The following GRIK4 variants were observed in gnomAD, a reference collection of about 807,000 sequenced individuals.
GRIK4 encodes the protein glutamate ionotropic receptor kainate type subunit 4.
In GRIK4, 40 loss-of-function variants were observed where a neutral mutation model predicts 104.9. That is an observed-to-expected ratio of 0.38 (90% CI 0.30 to 0.50). The LOEUF is 0.50. Among genes scored for constraint, GRIK4 ranks in the 20% least tolerant of loss-of-function variants. The pLI, the probability that GRIK4 is intolerant of heterozygous loss-of-function variation, is 0.93. For synonymous variants in GRIK4, 485 were observed against 524.9 expected (o/e 0.92, Z 1.04); for missense variants, 1,047 against 1,308.1 (o/e 0.80, Z 3.08).
intron 3 of GRIK4, among the ~76,000 whole-genome samples, chr11:120,671,051 C>T (rs1022053312): frequency 3.9e-5 from 6 of 152,194 alleles, no homozygotes; most frequent in African/African-American, 1.2e-4. Context: ...TTTATGGCTA[C>T]ATAGTATTCC....
At chr11:120,784,170 A>G (rs532570317) in intron 3 of GRIK4, among the ~76,000 whole-genome samples, 40 of 152,348 alleles carry the variant, frequency 2.6e-4, no homozygotes, top group Non-Finnish European at 4.0e-4. Context: ...TGAAGGAATG[A>G]TCACAGGAAT....
intron 2 of GRIK4, among the ~76,000 whole-genome samples, chr11:120,658,693 A>G (rs1046745162): frequency 1.2e-4 from 8 of 66,124 alleles, no homozygotes; most frequent in African/African-American, 3.4e-4. Flanking sequence ...CCATTTTCCT[A>G]TTGGATTGTC....
At chr11:120,752,447 CCTGT>C (rs1196522959) in intron 3 of GRIK4, among the ~76,000 whole-genome samples, 1 of 152,144 alleles carries the variant, frequency 6.6e-6, no homozygotes, top group Non-Finnish European at 1.5e-5. Flanking sequence ...TGGGCAGGCC[CCTGT>C]CTAAGAGCTG....
At chr11:120,963,992 T>TTATTTAG (rs1944339719) in intron 18 of GRIK4, among the ~76,000 whole-genome samples, 1 of 8,994 alleles carries the variant, frequency 1.1e-4, no homozygotes, top group Admixed American at 1.3e-3. Flanking sequence ...TATTTATTTA[T>TTATTTAG]TTATTTTTAT....
intron 1 of GRIK4, among the ~76,000 whole-genome samples, chr11:120,591,275 T>C (rs2135112914): frequency 6.6e-6 from 1 of 151,782 alleles, no homozygotes; most frequent in East Asian, 2.0e-4. Context: ...CAGGGAGGCA[T>C]CACTAGGACT....
chr11:120,792,235 C>T (rs574482284), intron 3 of GRIK4, among the ~76,000 whole-genome samples: 2 of 149,656 alleles, frequency 1.3e-5, no homozygotes, highest in South Asian at 2.1e-4. Flanking sequence ...GCAGCAGCAC[C>T]GTGTGTGTGT....
chr11:120,565,702 AG>A (rs1371446911), intron 1 of GRIK4, among the ~76,000 whole-genome samples: 1 of 152,238 alleles, frequency 6.6e-6, no homozygotes. Context: ...GTAGAAATAC[AG>A]GGTCTGGCTG....
At chr11:120,969,320 A>G (rs1944435824) in intron 19 of GRIK4, among the ~76,000 whole-genome samples, 1 of 152,178 alleles carries the variant, frequency 6.6e-6, no homozygotes, top group African/African-American at 2.4e-5. Context: ...TGGATTGGAT[A>G]GAATGAACTG....
intron 3 of GRIK4, among the ~76,000 whole-genome samples, chr11:120,719,470 C>G (rs996898128): frequency 6.6e-6 from 1 of 152,148 alleles, no homozygotes; most frequent in Non-Finnish European, 1.5e-5. Flanking sequence ...CAGCTACCTT[C>G]CCTTGGATTC....
chr11:120,514,326 C>T (rs1224069450), intron 1 of GRIK4, among the ~76,000 whole-genome samples: 1 of 152,178 alleles, frequency 6.6e-6, no homozygotes, highest in Non-Finnish European at 1.5e-5. Context: ...GCCCTGCAAG[C>T]ATCTGATCGC....
At position 120,952,819 on chromosome 11, in the gene GRIK4, A is replaced by T. The variant is rs10750178; in HGVS notation, c.1591-36A>T. 7.1e-7 allele frequency: 1 copy of T among 1,409,648 alleles called. No individual in the cohort carries two copies. 87.3% of individuals were successfully genotyped at this position (1,409,648 alleles called of 1,614,324 possible). A position where few individuals can be genotyped will look rare whatever the true frequency, so the allele number is the denominator to read the frequency against. ...TGCCCCAAGGTCATGTTGACTGAATATGTGCGGTGAATCTTGTTTTTCTCT... is the reference window on the plus strand; with the variant it reads ...TGCCCCAAGGTCATGTTGACTGAATTTGTGCGGTGAATCTTGTTTTTCTCT... On this transcript the variant is annotated intron_variant, in intron 14 of 20. Transcript: ENST00000527524. The surrounding 1 kb of genome is among the most constrained non-coding windows in gnomAD (Gnocchi z 5.2).
At chr11:120,861,211 C>T (rs1002286574) in intron 8 of GRIK4, among the ~76,000 whole-genome samples, 1 of 146,756 alleles carries the variant, frequency 6.8e-6, no homozygotes, top group Non-Finnish European at 1.5e-5. Flanking sequence ...TGGGTTCAAG[C>T]GATTCTCCTG....
intron 7 of GRIK4, among the ~76,000 whole-genome samples, chr11:120,836,251 T>C (rs1953572675): frequency 6.6e-6 from 1 of 152,194 alleles, no homozygotes; most frequent in Non-Finnish European, 1.5e-5. Context: ...TAATGAGACA[T>C]GTGATCTTGT....
At position 120,671,682 on chromosome 11, in the gene GRIK4, G is replaced by A. The variant is rs185653441; in HGVS notation, c.82+11282G>A. ...TTTTCTCCCATTCTGCAGGTTGCCT[G>A]TTCTCTCTGATGATAGTTTTTTTGC... is the stretch of plus-strand genomic sequence containing the variant. On this transcript the variant is annotated intron_variant, in intron 3 of 20. Coordinates refer to ENST00000527524, the MANE Select transcript of GRIK4 (RefSeq NM_014619.5). Among the ~76,000 whole-genome samples the A allele has an allele frequency of 2.6e-5, 4 of 152,304 alleles. No homozygotes were observed. The East Asian group carries it at 7.7e-4, about 29-fold the overall frequency.
At chr11:120,699,582 T>TAC (rs1950517820) in intron 3 of GRIK4, among the ~76,000 whole-genome samples, 1 of 137,302 alleles carries the variant, frequency 7.3e-6, no homozygotes, top group East Asian at 2.1e-4. Context: ...TGTGTGTGTG[T>TAC]ACCCATATAG....
intron 3 of GRIK4, among the ~76,000 whole-genome samples, chr11:120,666,349 G>A (rs1449622220): frequency 6.6e-6 from 1 of 152,212 alleles, no homozygotes; most frequent in Non-Finnish European, 1.5e-5. Context: ...AGCATCTGAG[G>A]ACAGCGTTGG....
chr11:120,527,209 A>G (rs1326856665), intron 1 of GRIK4, among the ~76,000 whole-genome samples: 4 of 152,178 alleles, frequency 2.6e-5, no homozygotes, highest in African/African-American at 4.8e-5. Flanking sequence ...GAGCTGCGTC[A>G]TCTTTGTGGC....
At chr11:120,859,758 G>C (rs531723148) in intron 8 of GRIK4, among the ~76,000 whole-genome samples, 1 of 152,356 alleles carries the variant, frequency 6.6e-6, no homozygotes, top group Admixed American at 6.5e-5. Flanking sequence ...AGAGATAGGA[G>C]ATAATATCAG....
chr11:120,665,729 GA>G (rs200567984), intron 3 of GRIK4, among the ~76,000 whole-genome samples: 2,193 of 152,102 alleles, frequency 0.014, 14 homozygotes, highest in Non-Finnish European at 0.022. Context: ...TTTACCAAAA[GA>G]AAAAAAAGTC....
Sources: allele counts gnomAD v4.1 joint callset (sites outside exome capture counted in the v4.1 genomes callset), GRCh38; gene constraint gnomAD v4.1.1; non-coding constraint Gnocchi (gnomAD v3.1); transcripts MANE v1.5; gene names NCBI Gene and HGNC (gene_info 2026-07-23, HGNC 2026-07-21).